Variants in INPP5D observed in about 807,000 individuals in gnomAD.
INPP5D encodes the protein inositol polyphosphate-5-phosphatase D.
Under a neutral mutation model 122.9 loss-of-function variants are expected in INPP5D, and 33 were observed. The observed-to-expected ratio is 0.27, with a 90% CI of 0.20 to 0.36. The LOEUF (loss-of-function observed/expected upper bound fraction) is 0.36, where lower values mean the gene tolerates loss of function less well. Among genes scored for constraint, INPP5D ranks in the 10% least tolerant of loss-of-function variants. The pLI is 1.00. For synonymous variants in INPP5D, 584 were observed against 576.2 expected, an observed-to-expected ratio of 1.01 and a Z score of -0.19; for missense variants, 1,053 against 1,412.7, an observed-to-expected ratio of 0.75 and a Z score of 4.08.
chr2:233,087,901 G>A (rs1027138364), intron 2 of INPP5D, among the ~76,000 whole-genome samples: 2 of 152,036 alleles, frequency 1.3e-5, no homozygotes, highest in African/African-American at 4.8e-5. Flanking sequence ...CATTCGAGAC[G>A]GGTTCTCTTT....
In INPP5D at chr2:233,145,388, G is replaced by A. The variant is rs973500311; in HGVS notation, c.754-774G>A. 11 of 451,260 alleles carry A rather than the reference G, an allele frequency of 2.4e-5. No homozygotes were observed. The East Asian group carries it at 3.5e-4, about 14-fold the overall frequency. 28.0% of individuals were successfully genotyped at this position (451,260 alleles called of 1,614,324 possible). A position where few individuals can be genotyped will look rare whatever the true frequency, so the allele number is the denominator to read the frequency against. Reference sequence around the variant, plus strand: ...CCCCAGTGTTGCAGTACTGAACACAGTCCTCTTGATCTCCATTCTCACGGA... The same window carrying A: ...CCCCAGTGTTGCAGTACTGAACACAATCCTCTTGATCTCCATTCTCACGGA... On this transcript the variant is annotated intron_variant, in intron 6 of 26. Coordinates refer to ENST00000445964, the MANE Select transcript of INPP5D (RefSeq NM_001017915.3).
intron 5 of INPP5D, among the ~76,000 whole-genome samples, chr2:233,131,771 G>C (rs183731723): frequency 1.3e-5 from 2 of 152,276 alleles, no homozygotes; most frequent in Non-Finnish European, 2.9e-5. Context: ...TACTGGCAAC[G>C]GTTTTGTAGT....
At chr2:233,190,351 G>A (rs1695021273) in intron 22 of INPP5D, among the ~76,000 whole-genome samples, 1 of 152,178 alleles carries the variant, frequency 6.6e-6, no homozygotes, top group African/African-American at 2.4e-5. Flanking sequence ...TGCTTCTCAA[G>A]TGTCCTGAGT....
intron 1 of INPP5D, among the ~76,000 whole-genome samples, chr2:233,074,174 T>C (rs1691453714): frequency 6.6e-6 from 1 of 152,192 alleles, no homozygotes; most frequent in Non-Finnish European, 1.5e-5. Flanking sequence ...TTAAAACGAC[T>C]GGCACTGGAT....
chr2:233,141,971 T>C (rs1276152706), intron 6 of INPP5D, among the ~76,000 whole-genome samples: 5 of 152,240 alleles, frequency 3.3e-5, no homozygotes, highest in African/African-American at 9.6e-5. Flanking sequence ...AAGTGAATGA[T>C]GGGTTAATTT....
At chr2:233,159,684 AT>A (rs1165951118) in intron 10 of INPP5D, among the ~76,000 whole-genome samples, 2 of 94,120 alleles carry the variant, frequency 2.1e-5, no homozygotes, top group Non-Finnish European at 3.9e-5. Flanking sequence ...ACAGAGCAAG[AT>A]CCTGTCTCAA....
In INPP5D at chr2:233,128,187, C is replaced by G. The variant is rs1199402166; in HGVS notation, c.524+2268C>G. 6.6e-6 allele frequency among the ~76,000 whole-genome samples: 1 copy of G among 152,124 alleles called. No homozygotes were observed. Among genetic ancestry groups the G allele is most frequent in the East Asian group, 1.9e-4 (1 of 5,194 alleles). ...CTTGAGGGATCTAGGCTGCACGCCTCTTAGGAGAATCTAACTAACGCCTGA... is the reference window on the plus strand; with the variant it reads ...CTTGAGGGATCTAGGCTGCACGCCTGTTAGGAGAATCTAACTAACGCCTGA... On this transcript the variant is annotated intron_variant, in intron 4 of 26. Coordinates refer to ENST00000445964, the MANE Select transcript of INPP5D (RefSeq NM_001017915.3). The surrounding 1 kb of genome is among the most constrained non-coding windows in gnomAD (Gnocchi z 4.5).
chr2:233,186,383 TACTGATCATAC>T (rs1341667583), intron 21 of INPP5D, among the ~76,000 whole-genome samples: 1 of 152,218 alleles, frequency 6.6e-6, no homozygotes. Context: ...GTCCATTGGC[TACTGATCATAC>T]ACTTGTGAAC....
chr2:233,104,234 C>T (rs1692402525), intron 2 of INPP5D, among the ~76,000 whole-genome samples: 1 of 152,118 alleles, frequency 6.6e-6, no homozygotes, highest in South Asian at 2.1e-4. Context: ...TGGTCTTGAA[C>T]TCTTAACCTC....
At chr2:233,144,860 T>C (rs2106277786) in intron 6 of INPP5D, among the ~76,000 whole-genome samples, 1 of 152,084 alleles carries the variant, frequency 6.6e-6, no homozygotes, top group South Asian at 2.1e-4. Flanking sequence ...GTGCCATTGA[T>C]CATTGTGCAG....
chr2:233,170,500 C>T lies in INPP5D; in HGVS notation c.1796C>T (p.Ala599Val). 4 of 1,613,728 alleles carry T rather than the reference C, an allele frequency of 2.5e-6. No individual in the cohort carries two copies. The highest frequency in any genetic ancestry group is 2.5e-6 in the Non-Finnish European group (3 of 1,179,800). ...CCGGGCATGTTCTTGTTCCAGGAGGCAGAAACCATCATCCAGAAAATCAAG... is the reference window on the plus strand; with the variant it reads ...CCGGGCATGTTCTTGTTCCAGGAGGTAGAAACCATCATCCAGAAAATCAAG... ...NYRVDLPTWE[A>V]ETIIQKIKQQ... The change falls in exon 16 of 27, where the codon GCA becomes GTA. Residue 599 changes from alanine to valine, a missense_variant. By Grantham distance (64) the Ala-to-Val change is moderately conservative. This residue lies in a region of INPP5D where 258 missense variants were observed against 439.1 expected (regional missense o/e 0.59). Coordinates refer to ENST00000445964, the MANE Select transcript of INPP5D (RefSeq NM_001017915.3). This position sits in a 1 kb window ranked among gnomAD's most constrained non-coding sequence, Gnocchi z 4.5.
At chr2:233,163,462 G>A (rs1317692083) in intron 11 of INPP5D, among the ~76,000 whole-genome samples, 4 of 152,144 alleles carry the variant, frequency 2.6e-5, no homozygotes, top group Non-Finnish European at 4.4e-5. Context: ...GGAATCTTCT[G>A]GTGTTTCTAT....
intron 2 of INPP5D, among the ~76,000 whole-genome samples, chr2:233,081,445 C>T (rs948224653): frequency 6.6e-6 from 1 of 152,170 alleles, no homozygotes; most frequent in African/African-American, 2.4e-5. Context: ...GTGAAGAAAA[C>T]TTTAAGTATG....
At chr2:233,126,446 T>A (rs1693161035) in intron 4 of INPP5D, among the ~76,000 whole-genome samples, 1 of 152,188 alleles carries the variant, frequency 6.6e-6, no homozygotes, top group South Asian at 2.1e-4. Flanking sequence ...GTTGCTATGA[T>A]ACTTGGCGTG....
In INPP5D at chr2:233,095,632, A is replaced by C. The variant is rs1201455424; in HGVS notation, c.198+16234A>C. ...AACTGTCTCAAAAAAAAAAAAAAAA[A>C]AAAAAAAAAAACAACTCCTGGGCTC... On this transcript the variant is annotated intron_variant, in intron 2 of 26. Coordinates refer to ENST00000445964, the MANE Select transcript of INPP5D (RefSeq NM_001017915.3). Among the ~76,000 whole-genome samples, 56 of 14,998 alleles carry C rather than the reference A, an allele frequency of 3.7e-3. 2 individuals carry two copies. Among genetic ancestry groups the C allele is most frequent in the Non-Finnish European group, 5.5e-3 (34 of 6,200 alleles). The allele number at this position is 14,998 out of a possible 152,430, so 9.8% of individuals were successfully genotyped here.
chr2:233,130,426 T>C (rs1693287595), intron 4 of INPP5D, 82 bp from the exon 5 acceptor site: 1 of 1,452,722 alleles, frequency 6.9e-7, no homozygotes, highest in Admixed American at 2.1e-5. Flanking sequence ...TGAGGATTTG[T>C]TATTGTGGTT....
At chr2:233,187,329 A>T (rs1256386877) in intron 21 of INPP5D, among the ~76,000 whole-genome samples, 2 of 152,146 alleles carry the variant, frequency 1.3e-5, no homozygotes, top group Non-Finnish European at 2.9e-5. Flanking sequence ...TTCTCGCACC[A>T]TGAGGGAGGG....
chr2:233,131,002 C>T (rs535663334), intron 5 of INPP5D: 2 of 451,186 alleles, frequency 4.4e-6, no homozygotes, highest in South Asian at 1.9e-5. Context: ...AGCCATTACA[C>T]CTGACAAGCA....
intron 9 of INPP5D, among the ~76,000 whole-genome samples, chr2:233,148,833 A>G (rs1574765587): frequency 6.6e-6 from 1 of 152,090 alleles, no homozygotes; most frequent in Non-Finnish European, 1.5e-5. Context: ...AAGCCCCCCA[A>G]GTCTCTGTGG....
Sources: allele counts gnomAD v4.1 joint callset (sites outside exome capture counted in the v4.1 genomes callset), GRCh38; gene constraint gnomAD v4.1.1; regional missense constraint gnomAD v4.1.1; non-coding constraint Gnocchi (gnomAD v3.1); transcripts MANE v1.5; gene names NCBI Gene and HGNC (gene_info 2026-07-23, HGNC 2026-07-21).